The following NAALADL2 variants were observed in gnomAD, a reference collection of about 807,000 sequenced individuals.
NAALADL2 encodes the protein N-acetylated alpha-linked acidic dipeptidase like 2.
NAALADL2 carries 76 observed loss-of-function variants against 87.2 expected under a neutral mutation model. The observed-to-expected ratio is 0.87, with a 90% CI of 0.72 to 1.05. NAALADL2 has a LOEUF of 1.05. Ranked by LOEUF, NAALADL2 falls within the 50% of genes least tolerant of loss-of-function variation. The pLI is 0.00. For missense variants in NAALADL2, 1,089 were observed against 945.8 expected, an observed-to-expected ratio of 1.15 and a Z score of -1.99; for synonymous variants, 354 against 331.0, an observed-to-expected ratio of 1.07 and a Z score of -0.75.
intron 5 of NAALADL2, among the ~76,000 whole-genome samples, chr3:175,372,893 G>A (rs1194072179): frequency 1.3e-5 from 2 of 152,132 alleles, no homozygotes; most frequent in Non-Finnish European, 2.9e-5. Flanking sequence ...CTCATTATGA[G>A]CATCATCATC....
At position 174,880,685 on chromosome 3, in the gene NAALADL2, C is replaced by A. The variant is rs184122247; in HGVS notation, c.43+21235C>A. ...TCATAGGTCTGCTTTTGGCTTTACTCCTTCACCTTCTTTAAGTCTTTTCTC... is the reference window on the plus strand; with the variant it reads ...TCATAGGTCTGCTTTTGGCTTTACTACTTCACCTTCTTTAAGTCTTTTCTC... On this transcript the variant is annotated intron_variant, in intron 1 of 13. Coordinates refer to ENST00000454872, the MANE Select transcript of NAALADL2 (RefSeq NM_207015.3). 2.0e-5 allele frequency among the ~76,000 whole-genome samples: 3 copies of A among 152,196 alleles called. No individual in the cohort carries two copies. In the East Asian group the frequency reaches 5.8e-4, roughly 29 times the overall value.
intron 13 of NAALADL2, among the ~76,000 whole-genome samples, chr3:175,762,563 A>G (rs1361702387): frequency 6.6e-6 from 1 of 152,168 alleles, no homozygotes; most frequent in African/African-American, 2.4e-5. Context: ...TCTCATTTCC[A>G]AAGCTCCCCC....
chr3:174,909,881 T>G (rs1294032313), intron 1 of NAALADL2, among the ~76,000 whole-genome samples: 2 of 152,112 alleles, frequency 1.3e-5, no homozygotes, highest in Non-Finnish European at 2.9e-5. Context: ...AATGCACAAT[T>G]GTAACATTTG....
intron 8 of NAALADL2, among the ~76,000 whole-genome samples, chr3:175,469,122 G>C (rs1305678905): frequency 6.6e-6 from 1 of 151,976 alleles, no homozygotes; most frequent in African/African-American, 2.4e-5. Flanking sequence ...CATTTTAGGT[G>C]ACTAGATGGG....
intron 9 of NAALADL2, among the ~76,000 whole-genome samples, chr3:175,491,486 G>T (rs940733453): frequency 6.6e-6 from 1 of 151,962 alleles, no homozygotes; most frequent in Non-Finnish European, 1.5e-5. Flanking sequence ...TTTTGCTATT[G>T]TTAAGAGACT....
intron 11 of NAALADL2, among the ~76,000 whole-genome samples, chr3:175,681,691 C>T (rs537055447): frequency 6.6e-6 from 1 of 152,174 alleles, no homozygotes; most frequent in African/African-American, 2.4e-5. Context: ...ACTATGAAAA[C>T]AGACAACTGA....
chr3:174,755,138 G>C (rs1166739497), intron 3 of NAALADL2, among the ~76,000 whole-genome samples: 1 of 152,126 alleles, frequency 6.6e-6, no homozygotes, highest in African/African-American at 2.4e-5. Context: ...ATTCTCATGA[G>C]ATCTGATGTA....
At chr3:175,025,242 GAA>G (rs202134073) in intron 1 of NAALADL2, among the ~76,000 whole-genome samples, 2 of 149,162 alleles carry the variant, frequency 1.3e-5, no homozygotes, top group Admixed American at 1.3e-4. Context: ...GCAGGCATAT[GAA>G]AAAAAAAAGT....
intron 1 of NAALADL2, among the ~76,000 whole-genome samples, chr3:174,451,843 GTTTTTTTTT>G (rs764587503): frequency 3.1e-5 from 3 of 98,098 alleles, no homozygotes; most frequent in East Asian, 3.2e-4. Flanking sequence ...GATAGTGGGA[GTTTTTTTTT>G]TTTTTTTTTT....
chr3:175,675,443 G>A (rs1445323447), intron 11 of NAALADL2: 1 of 152,082 alleles, frequency 6.6e-6, no homozygotes, highest in Non-Finnish European at 1.5e-5. Context: ...TGACCAACTG[G>A]AACAACTTGA....
At chr3:174,806,149 C>G (rs1719453296) in intron 3 of NAALADL2, among the ~76,000 whole-genome samples, 1 of 152,094 alleles carries the variant, frequency 6.6e-6, no homozygotes, top group South Asian at 2.1e-4. Context: ...TTGGGCTTCT[C>G]CCAAAGCCCA....
intron 1 of NAALADL2, among the ~76,000 whole-genome samples, chr3:175,093,806 A>G (rs1720620153): frequency 6.6e-6 from 1 of 151,900 alleles, no homozygotes; most frequent in African/African-American, 2.4e-5. Flanking sequence ...ATGAATCCAA[A>G]AGTGGTAGTA....
chr3:175,295,434 T>C (rs1453015265), intron 4 of NAALADL2, among the ~76,000 whole-genome samples: 1 of 152,124 alleles, frequency 6.6e-6, no homozygotes, highest in African/African-American at 2.4e-5. Flanking sequence ...GGTACAGCAA[T>C]ATACCTCCTT....
intron 1 of NAALADL2, among the ~76,000 whole-genome samples, chr3:174,907,148 A>T (rs1733078569): frequency 6.6e-6 from 1 of 152,102 alleles, no homozygotes; most frequent in South Asian, 2.1e-4. Flanking sequence ...TTCTCAGCAG[A>T]ATTACCTTTC....
At chr3:174,764,876 C>A (rs1442531985) in intron 3 of NAALADL2, among the ~76,000 whole-genome samples, 1 of 151,872 alleles carries the variant, frequency 6.6e-6, no homozygotes, top group Admixed American at 6.6e-5. Context: ...TAGTATAAGT[C>A]CAACTAGAAA....
intron 3 of NAALADL2, among the ~76,000 whole-genome samples, chr3:174,838,037 GAAAA>G (rs1158682043): frequency 3.4e-5 from 4 of 117,350 alleles, no homozygotes; most frequent in Non-Finnish European, 5.3e-5. Flanking sequence ...AAAAAAAAAA[GAAAA>G]AAAAAAAACT....
chr3:175,068,622 A>G (rs981872845), intron 1 of NAALADL2, among the ~76,000 whole-genome samples: 2 of 152,114 alleles, frequency 1.3e-5, no homozygotes, highest in African/African-American at 2.4e-5. Flanking sequence ...AGGTCTTGCT[A>G]TCAAGTTCAC....
chr3:175,358,891 C>G (rs1764678854), intron 5 of NAALADL2, among the ~76,000 whole-genome samples: 1 of 152,072 alleles, frequency 6.6e-6, no homozygotes, highest in Non-Finnish European at 1.5e-5. Context: ...CTCTGGGAAA[C>G]TGGTCCTGGG....
intron 5 of NAALADL2, among the ~76,000 whole-genome samples, chr3:175,380,567 C>T (rs1767670295): frequency 6.6e-6 from 1 of 152,074 alleles, no homozygotes; most frequent in African/African-American, 2.4e-5. Flanking sequence ...AATTAAGTAT[C>T]CTTATGAAAA....
Sources: gnomAD v4.1 joint callset for allele counts (sites outside exome capture counted in the v4.1 genomes callset) on GRCh38, gnomAD v4.1.1 for gene constraint, MANE v1.5 for transcripts, NCBI Gene and HGNC (gene_info 2026-07-23, HGNC 2026-07-21) for gene names.